Variants in WDPCP observed in about 807,000 individuals in gnomAD.
The protein encoded by WDPCP is WD repeat-containing and planar cell polarity effector protein fritz homolog.
WDPCP carries 71 observed loss-of-function variants against 93.1 expected under a neutral mutation model. The ratio of observed to expected loss-of-function variants is 0.76; its 90% CI spans 0.63 to 0.93. The LOEUF (loss-of-function observed/expected upper bound fraction) is 0.93. Among genes scored for constraint, WDPCP ranks in the 40% least tolerant of loss-of-function variants. The pLI, the probability that WDPCP is intolerant of heterozygous loss-of-function variation, is 0.00. For missense variants in WDPCP, 844 were observed against 887.4 expected (o/e 0.95, Z 0.62); for synonymous variants, 315 against 315.0 (o/e 1.00, Z 0.00).
At chr2:63,283,313 G>C (rs1327489933) in intron 13 of WDPCP, among the ~76,000 whole-genome samples, 1 of 152,054 alleles carries the variant, frequency 6.6e-6, no homozygotes, top group Non-Finnish European at 1.5e-5. Context: ...TGCGTCACTA[G>C]GATTACAGGT....
rs1449457322 is a variant in WDPCP at position 63,562,376 on chromosome 2, G to A, written c.75+25821C>T. ...ACACACTGGGTAGAGCCTGTCGGGG[G>A]TTGTGGTGGGAGGGAGTGTACCAGG... On this transcript the variant is annotated intron_variant, in intron 1 of 17. Coordinates refer to ENST00000272321, the MANE Select transcript of WDPCP (RefSeq NM_015910.7). 2.0e-5 allele frequency among the ~76,000 whole-genome samples: 3 copies of A among 152,290 alleles called. No individual in the cohort carries two copies. The East Asian group carries it at 5.8e-4, about 29-fold the overall frequency.
At chr2:63,443,282 A>G (rs1697626268) in intron 6 of WDPCP, 1 of 152,216 alleles carries the variant, frequency 6.6e-6, no homozygotes, top group Non-Finnish European at 1.5e-5. Context: ...AATATAATGT[A>G]CAATAGCAAT....
At chr2:63,615,835 T>A (rs1329842812) in intron 3 of WDPCP, among the ~76,000 whole-genome samples, 1 of 152,234 alleles carries the variant, frequency 6.6e-6, no homozygotes, top group Non-Finnish European at 1.5e-5. Flanking sequence ...GATTTTCTAC[T>A]CATGCTTCTT....
At chr2:63,280,722 G>A (rs1683471259) in intron 13 of WDPCP, among the ~76,000 whole-genome samples, 2 of 152,132 alleles carry the variant, frequency 1.3e-5, no homozygotes, top group Admixed American at 1.3e-4. Context: ...AATACATAAA[G>A]TGAGGAAAGG....
intron 17 of WDPCP, among the ~76,000 whole-genome samples, chr2:63,150,508 C>G (rs11689892): frequency 6.6e-6 from 1 of 152,172 alleles, no homozygotes; most frequent in East Asian, 1.9e-4. Context: ...AAACCCTGTT[C>G]TAAGAGCCAG....
intron 13 of WDPCP, among the ~76,000 whole-genome samples, chr2:63,296,715 C>T (rs750588532): frequency 3.9e-5 from 6 of 152,154 alleles, no homozygotes; most frequent in Non-Finnish European, 8.8e-5. Context: ...AATTAAAATA[C>T]CTAGTAGTAT....
intron 12 of WDPCP, among the ~76,000 whole-genome samples, chr2:63,358,265 G>GT (rs948338219): frequency 3.3e-5 from 5 of 151,788 alleles, no homozygotes; most frequent in African/African-American, 1.2e-4. Flanking sequence ...AATCATGGTT[G>GT]TATTTGCATT....
chr2:63,298,849 A>T (rs1685091329), intron 13 of WDPCP, among the ~76,000 whole-genome samples: 2 of 152,192 alleles, frequency 1.3e-5, no homozygotes, highest in Admixed American at 1.3e-4. Context: ...CAGGTAGGAC[A>T]TTGCTGATAG....
At chr2:63,360,915 T>G (rs1173011032) in intron 12 of WDPCP, among the ~76,000 whole-genome samples, 1 of 152,230 alleles carries the variant, frequency 6.6e-6, no homozygotes, top group Non-Finnish European at 1.5e-5. Flanking sequence ...CAGGCAGCCC[T>G]AAGTCACGGC....
At chr2:63,142,411 G>A (rs1388315623) in intron 17 of WDPCP, among the ~76,000 whole-genome samples, 1 of 152,086 alleles carries the variant, frequency 6.6e-6, no homozygotes, top group Non-Finnish European at 1.5e-5. Context: ...CATTCAGGAG[G>A]ACGTTATTTA....
intron 2 of WDPCP, among the ~76,000 whole-genome samples, chr2:63,762,941 A>G (rs2103920066): frequency 6.6e-6 from 1 of 152,310 alleles, no homozygotes; most frequent in South Asian, 2.1e-4. Context: ...AGCTTCATCC[A>G]TTTATAAAAA....
upstream of WDPCP, chr2:63,590,212 G>C (rs1455644131): frequency 6.6e-6 from 1 of 152,124 alleles, no homozygotes; most frequent in Non-Finnish European, 1.5e-5. Context: ...GATAACCTTG[G>C]ACTTTTTGCT....
chr2:63,390,932 C>T (rs926581221), intron 10 of WDPCP, among the ~76,000 whole-genome samples: 36 of 152,216 alleles, frequency 2.4e-4, no homozygotes, highest in Middle Eastern at 3.4e-3. Context: ...CAGAACCAGA[C>T]GGATTCACAG....
At chr2:63,144,610 T>C (rs971357497) in intron 17 of WDPCP, among the ~76,000 whole-genome samples, 5 of 152,226 alleles carry the variant, frequency 3.3e-5, no homozygotes, top group African/African-American at 9.6e-5. Flanking sequence ...GGTTGTTTTT[T>C]CTTTAAGCTA....
intron 3 of WDPCP, chr2:63,622,902 C>T (rs907335911): frequency 5.5e-5 from 71 of 1,287,646 alleles, no homozygotes; most frequent in Non-Finnish European, 6.6e-5. Flanking sequence ...ACGCGGGGGC[C>T]GGGCCAGGCC....
chr2:63,637,636 T>C (rs1709935472), intron 3 of WDPCP, among the ~76,000 whole-genome samples: 1 of 152,150 alleles, frequency 6.6e-6, no homozygotes, highest in East Asian at 1.9e-4. Flanking sequence ...CCTGAATGAA[T>C]ATTTTTCCAA....
intron 14 of WDPCP, among the ~76,000 whole-genome samples, chr2:63,202,833 C>T (rs529696984): frequency 2.0e-5 from 3 of 152,208 alleles, no homozygotes; most frequent in African/African-American, 7.2e-5. Flanking sequence ...ATCTCTCATT[C>T]TTCCTCCTCC....
chr2:63,657,074 G>A (rs1271975520), intron 2 of WDPCP, among the ~76,000 whole-genome samples: 1 of 152,160 alleles, frequency 6.6e-6, no homozygotes, highest in Non-Finnish European at 1.5e-5. Flanking sequence ...GCTAAGAGCT[G>A]AAGCTGGGGA....
chr2:63,772,009 T>A (rs1420918812), intron 2 of WDPCP, among the ~76,000 whole-genome samples: 1 of 152,032 alleles, frequency 6.6e-6, no homozygotes, highest in Non-Finnish European at 1.5e-5. Context: ...GATGAACATA[T>A]GAGTGCATGT....
Sources: allele counts gnomAD v4.1 joint callset (sites outside exome capture counted in the v4.1 genomes callset), GRCh38; gene constraint gnomAD v4.1.1; transcripts MANE v1.5; gene names NCBI Gene and HGNC (gene_info 2026-07-23, HGNC 2026-07-21).